Variants in GAB1 observed in about 807,000 individuals in gnomAD.
GAB1 encodes GRB2 associated binding protein 1.
In GAB1, 19 loss-of-function variants were observed where a neutral mutation model predicts 66.5. That is an observed-to-expected ratio of 0.29 (90% CI 0.20 to 0.42). The LOEUF is 0.42. GAB1 is among the 10% of genes least tolerant of loss of function. The probability of loss-of-function intolerance (pLI) is 1.00; values close to 1 mark genes in which losing one functional copy is unlikely to be tolerated. For missense variants in GAB1, 732 were observed against 858.5 expected, an observed-to-expected ratio of 0.85 and a Z score of 1.84; for synonymous variants, 294 against 301.4, an observed-to-expected ratio of 0.98 and a Z score of 0.25.
intron 6 of GAB1, among the ~76,000 whole-genome samples, chr4:143,452,023 T>A (rs1734955598): frequency 6.6e-6 from 1 of 152,174 alleles, no homozygotes; most frequent in South Asian, 2.1e-4. Context: ...TTGTGTGAAA[T>A]CGTGGTGCTA....
At chr4:143,425,655 A>G (rs1733313440) in intron 2 of GAB1, 2 of 760,902 alleles carry the variant, frequency 2.6e-6, no homozygotes, top group Non-Finnish European at 4.8e-6. Context: ...CTACTTCTAC[A>G]GAGATCCTGA....
intron 1 of GAB1, among the ~76,000 whole-genome samples, chr4:143,361,307 T>A (rs1267217398): frequency 3.3e-5 from 5 of 152,210 alleles, no homozygotes; most frequent in Non-Finnish European, 5.9e-5. Context: ...TTTTAAGAAA[T>A]ATATTTCAGA....
Position 143,337,132 on chromosome 4 carries a change from C to T in GAB1, c.-57C>T, listed in dbSNP as rs1339281773. Reference sequence around the variant, plus strand: ...CGCGCTCGGCAGGCGTCGGCTGTGTCGGGAGCGCGCCCGCCGCCCCTCAGC... The same window carrying T: ...CGCGCTCGGCAGGCGTCGGCTGTGTTGGGAGCGCGCCCGCCGCCCCTCAGC... On this transcript the variant is annotated 5_prime_UTR_variant, in exon 1 of 10. Coordinates refer to ENST00000262994, the MANE Select transcript of GAB1 (RefSeq NM_002039.4). The T allele has an allele frequency of 2.0e-6, 3 of 1,484,396 alleles. No individual in the cohort carries two copies. The highest frequency in any genetic ancestry group is 2.8e-6 in the Non-Finnish European group (3 of 1,090,164). The allele number at this position is 1,484,396 out of a possible 1,614,324, so 92.0% of individuals were successfully genotyped here. A position where few individuals can be genotyped will look rare whatever the true frequency, so the allele number is the denominator to read the frequency against.
At chr4:143,337,318 C>A (rs1316843984) in intron 1 of GAB1, 58 bp downstream of exon 1, 2 of 1,444,296 alleles carry the variant, frequency 1.4e-6, no homozygotes, top group Non-Finnish European at 1.9e-6. Context: ...CCTCCCCAGT[C>A]GGCTCGCCGG....
rs549702228 is a variant in GAB1 at position 143,351,606 on chromosome 4, G to A, written c.72+14346G>A. Among the ~76,000 whole-genome samples, 13 of 152,294 alleles carry A rather than the reference G, an allele frequency of 8.5e-5. No individual in the cohort carries two copies. The South Asian group carries it at 2.7e-3, about 32-fold the overall frequency. On this transcript the variant is annotated intron_variant, in intron 1 of 9. Coordinates refer to ENST00000262994, the MANE Select transcript of GAB1 (RefSeq NM_002039.4). The stretch of plus-strand genomic sequence containing the variant: ...GCCTATCCTCACCTAGGTTCGTGGG[G>A]ATGGATCCCTAGTCAGGGACCACGC...
At chr4:143,366,210 T>C (rs1198957745) in intron 1 of GAB1, among the ~76,000 whole-genome samples, 1 of 152,230 alleles carries the variant, frequency 6.6e-6, no homozygotes, top group Non-Finnish European at 1.5e-5. Flanking sequence ...CTGTATTCAT[T>C]TGCGTATTTC....
chr4:143,393,745 C>G (rs1354559705), intron 1 of GAB1, among the ~76,000 whole-genome samples: 2 of 151,694 alleles, frequency 1.3e-5, no homozygotes, highest in African/African-American at 4.8e-5. Context: ...GCCTGCTTTA[C>G]CCAAAAAAGA....
At chr4:143,439,731 T>C in intron 4 of GAB1, 71 bp from the exon 5 acceptor site, 1 of 982,318 alleles carries the variant, frequency 1.0e-6, no homozygotes, top group African/African-American at 1.6e-5. Flanking sequence ...AGAAAGATAA[T>C]AGGTCATCCC....
At position 143,473,930 on chromosome 4, in the gene GAB1, C is replaced by G. The variant is rs1404879077; in HGVS notation, c.*4741C>G. On this transcript the variant is annotated 3_prime_UTR_variant, in exon 10 of 10. Transcript: ENST00000262994. Reference sequence around the variant, plus strand: ...TATGTCTGTCTGTCACCTTGTAAACCATGAGACTCCTGGGTATTTGCATGT... The same window carrying G: ...TATGTCTGTCTGTCACCTTGTAAACGATGAGACTCCTGGGTATTTGCATGT... 6.6e-6 allele frequency: 1 copy of G among 152,160 alleles called. No individual in the cohort carries two copies. The highest frequency in any genetic ancestry group is 2.4e-5 in the African/African-American group (1 of 41,436). 9.4% of individuals were successfully genotyped at this position (152,160 alleles called of 1,614,324 possible). A position where few individuals can be genotyped will look rare whatever the true frequency, so the allele number is the denominator to read the frequency against.
chr4:143,412,010 G>T (rs1434060575), intron 1 of GAB1, among the ~76,000 whole-genome samples: 1 of 152,128 alleles, frequency 6.6e-6, no homozygotes, highest in Non-Finnish European at 1.5e-5. Flanking sequence ...TGCCGTAAGG[G>T]TTCACGTCTT....
At chr4:143,448,818 T>C (rs1037341130) in intron 6 of GAB1, among the ~76,000 whole-genome samples, 1 of 151,122 alleles carries the variant, frequency 6.6e-6, no homozygotes, top group Non-Finnish European at 1.5e-5. Context: ...TAGTTATTTC[T>C]TGCCTTCTGC....
chr4:143,344,616 T>C (rs1419595346), intron 1 of GAB1, among the ~76,000 whole-genome samples: 1 of 152,148 alleles, frequency 6.6e-6, no homozygotes, highest in Non-Finnish European at 1.5e-5. Context: ...ATAACTAGGC[T>C]CTTCCGTTGC....
chr4:143,423,804 A>G (rs1422414271), intron 2 of GAB1, among the ~76,000 whole-genome samples: 7 of 53,078 alleles, frequency 1.3e-4, no homozygotes, highest in African/African-American at 6.8e-4. Context: ...ATATATATAT[A>G]TATATATATA....
At position 143,433,647 on chromosome 4, in the gene GAB1, G is replaced by A; in HGVS notation, c.524G>A (p.Gly175Asp). 1 of 1,613,906 alleles carries A rather than the reference G, an allele frequency of 6.2e-7. No homozygotes were observed. The highest frequency in any genetic ancestry group is 8.5e-7 in the Non-Finnish European group (1 of 1,179,902). ...GTTCCACCACACCTGGAAACTCTTGGCATTCAGGAGGATCCTCAAGACTAC... is the reference window on the plus strand; with the variant it reads ...GTTCCACCACACCTGGAAACTCTTGACATTCAGGAGGATCCTCAAGACTAC... Reference protein sequence around the residue: ...INVPPHLETLGIQEDPQDYLL... With the variant: ...INVPPHLETLDIQEDPQDYLL... The change falls in exon 3 of 10, where the codon GGC (glycine) becomes GAC (aspartate). Residue 175 changes from glycine to aspartate, a missense_variant. Gly to Asp is a moderately conservative substitution (Grantham distance 94, BLOSUM62 -1). Coordinates refer to ENST00000262994, the MANE Select transcript of GAB1 (RefSeq NM_002039.4).
chr4:143,377,178 C>T (rs1730458270), intron 1 of GAB1, among the ~76,000 whole-genome samples: 5 of 151,654 alleles, frequency 3.3e-5, no homozygotes, highest in South Asian at 2.1e-4. Context: ...AAAATGTTTC[C>T]GAAAAGTTGT....
At chr4:143,374,507 C>T (rs1730329108) in intron 1 of GAB1, among the ~76,000 whole-genome samples, 1 of 152,170 alleles carries the variant, frequency 6.6e-6, no homozygotes, top group African/African-American at 2.4e-5. Flanking sequence ...CTAGATTTGA[C>T]ATTTGCTTGA....
chr4:143,418,652 A>G (rs1287677263), intron 2 of GAB1, among the ~76,000 whole-genome samples: 1 of 152,160 alleles, frequency 6.6e-6, no homozygotes, highest in Non-Finnish European at 1.5e-5. Context: ...CTGATCCAAA[A>G]AGCTAAATCA....
intron 2 of GAB1, chr4:143,426,014 G>C: frequency 3.2e-6 from 2 of 621,496 alleles, no homozygotes. Flanking sequence ...TACAAAAAAA[G>C]AAAAAATTAA....
intron 2 of GAB1, among the ~76,000 whole-genome samples, chr4:143,427,482 C>G (rs1160162699): frequency 6.6e-6 from 1 of 151,952 alleles, no homozygotes; most frequent in South Asian, 2.1e-4. Flanking sequence ...GCTAAAAAAT[C>G]CCAAGGTCTT....
Sources: gnomAD v4.1 joint callset for allele counts (sites outside exome capture counted in the v4.1 genomes callset) on GRCh38, gnomAD v4.1.1 for gene constraint, MANE v1.5 for transcripts, NCBI Gene and HGNC (gene_info 2026-07-23, HGNC 2026-07-21) for gene names.